Variants in SND1 observed in about 807,000 individuals in gnomAD.
SND1 encodes staphylococcal nuclease and tudor domain containing 1, also known as staphylococcal nuclease domain-containing protein 1.
SND1 carries 38 observed loss-of-function variants against 121.7 expected under a neutral mutation model. The ratio of observed to expected loss-of-function variants is 0.31; its 90% CI spans 0.24 to 0.41. The LOEUF is 0.41. Ranked by LOEUF, SND1 falls within the 10% of genes least tolerant of loss-of-function variation. The pLI is 1.00. For synonymous variants in SND1, 401 were observed against 447.4 expected, an observed-to-expected ratio of 0.90 and a Z score of 1.31; for missense variants, 868 against 1,184.6, an observed-to-expected ratio of 0.73 and a Z score of 3.92.
At chr7:127,692,329 T>A (rs1364630936) in intron 2 of SND1, among the ~76,000 whole-genome samples, 1 of 152,240 alleles carries the variant, frequency 6.6e-6, no homozygotes, top group Non-Finnish European at 1.5e-5. Context: ...AAGAGTAATT[T>A]TGAGTCTCAA....
At chr7:127,900,070 T>C in intron 13 of SND1, among the ~76,000 whole-genome samples, 1 of 152,190 alleles carries the variant, frequency 6.6e-6, no homozygotes, top group East Asian at 1.9e-4. Context: ...TCTTTAGATC[T>C]CTTTCATGTA....
intron 12 of SND1, chr7:127,858,232 G>T: frequency 1.3e-6 from 1 of 774,996 alleles, no homozygotes. Flanking sequence ...ACATGCCAAG[G>T]TTTCCCTGGG....
chr7:127,778,636 C>T (rs186577835), intron 10 of SND1, among the ~76,000 whole-genome samples: 1 of 152,288 alleles, frequency 6.6e-6, no homozygotes, highest in African/African-American at 2.4e-5. Flanking sequence ...AGTTATTTAA[C>T]ATCTTTGAGC....
intron 14 of SND1, among the ~76,000 whole-genome samples, chr7:127,907,347 G>C (rs1320939087): frequency 1.3e-5 from 2 of 152,216 alleles, no homozygotes; most frequent in African/African-American, 4.8e-5. Flanking sequence ...CAATTTTGCT[G>C]TCTGTGGGAC....
intron 14 of SND1, among the ~76,000 whole-genome samples, chr7:127,918,305 A>G (rs1169813029): frequency 6.6e-6 from 1 of 151,738 alleles, no homozygotes; most frequent in Non-Finnish European, 1.5e-5. Context: ...ACCTCAAGTG[A>G]TCCACTCGCC....
chr7:127,987,842 T>C (rs190760781), intron 15 of SND1, among the ~76,000 whole-genome samples: 139 of 152,314 alleles, frequency 9.1e-4, no homozygotes, highest in Non-Finnish European at 1.5e-3. Flanking sequence ...ACATATATAG[T>C]CAAGATTAAC....
At chr7:127,885,803 C>G (rs935843546) in intron 12 of SND1, among the ~76,000 whole-genome samples, 2 of 152,086 alleles carry the variant, frequency 1.3e-5, no homozygotes, top group Non-Finnish European at 2.9e-5. Context: ...TGTAAAATGT[C>G]AATGCTCAGT....
At chr7:127,950,806 G>A (rs905473504) in intron 15 of SND1, among the ~76,000 whole-genome samples, 5 of 152,100 alleles carry the variant, frequency 3.3e-5, no homozygotes, top group African/African-American at 1.2e-4. Flanking sequence ...AAAAGATTCT[G>A]GACTGCATAC....
Position 128,092,220 on chromosome 7 carries a change from T to TG in SND1, c.*166dup, listed in dbSNP as rs1461181338. 28 of 723,218 alleles carry TG rather than the reference T, an allele frequency of 3.9e-5. 1 individual carries two copies. The highest frequency in any genetic ancestry group is 5.7e-5 in the Non-Finnish European group (25 of 438,928). 44.8% of individuals were successfully genotyped at this position (723,218 alleles called of 1,614,324 possible). A position where few individuals can be genotyped will look rare whatever the true frequency, so the allele number is the denominator to read the frequency against. ...GTGGGGTGGCATCGGGGCTGCGGGG[T>TG]GGGGACCCCAAGGCTTTCTGGGGCA... On this transcript the variant is annotated 3_prime_UTR_variant, in exon 24 of 24. Coordinates refer to ENST00000354725, the MANE Select transcript of SND1 (RefSeq NM_014390.4). The surrounding 1 kb of genome is among the most constrained non-coding windows in gnomAD (Gnocchi z 4.9).
chr7:127,692,823 C>G (rs185562610), intron 2 of SND1, among the ~76,000 whole-genome samples: 2 of 152,162 alleles, frequency 1.3e-5, no homozygotes, highest in African/African-American at 4.8e-5. Flanking sequence ...TCTTATTGAC[C>G]GGTAACTAAC....
intron 1 of SND1, among the ~76,000 whole-genome samples, chr7:127,683,557 G>C (rs1442959001): frequency 6.6e-6 from 1 of 152,176 alleles, no homozygotes; most frequent in East Asian, 1.9e-4. Context: ...GTGAGTGGTA[G>C]GAGGGAAACT....
intron 15 of SND1, among the ~76,000 whole-genome samples, chr7:127,974,884 C>T (rs1479633237): frequency 6.6e-6 from 1 of 152,172 alleles, no homozygotes; most frequent in Non-Finnish European, 1.5e-5. Context: ...AAAGAAAAGG[C>T]CATCTTCCTT....
chr7:128,082,675 G>A (rs955282858), intron 18 of SND1, among the ~76,000 whole-genome samples: 6 of 152,150 alleles, frequency 3.9e-5, no homozygotes, highest in Non-Finnish European at 8.8e-5. Flanking sequence ...CTTTAGGGCT[G>A]GGTCATGTGA....
chr7:127,781,748 T>C (rs1232461358), intron 10 of SND1, among the ~76,000 whole-genome samples: 1 of 152,204 alleles, frequency 6.6e-6, no homozygotes. Flanking sequence ...CTGTTATTAA[T>C]AATTAAAGTA....
chr7:128,049,673 CACTT>C (rs1793012050), intron 16 of SND1, among the ~76,000 whole-genome samples: 1 of 152,188 alleles, frequency 6.6e-6, no homozygotes, highest in African/African-American at 2.4e-5. Flanking sequence ...CTGGCCCTGT[CACTT>C]ACCAGCTGCA....
intron 9 of SND1, among the ~76,000 whole-genome samples, chr7:127,714,554 C>G (rs566573882): frequency 6.6e-6 from 1 of 152,244 alleles, no homozygotes; most frequent in South Asian, 2.1e-4. Flanking sequence ...TATTTATATT[C>G]ATATTGCTAT....
intron 14 of SND1, among the ~76,000 whole-genome samples, chr7:127,926,363 A>G (rs906578419): frequency 6.6e-6 from 1 of 152,054 alleles, no homozygotes; most frequent in Non-Finnish European, 1.5e-5. Context: ...GTCAGCTTGG[A>G]TGAAATATCC....
At position 127,659,709 on chromosome 7, in the gene SND1, A is replaced by G. The variant is rs567868438; in HGVS notation, c.78+7258A>G. Among the ~76,000 whole-genome samples the G allele has an allele frequency of 7.2e-5, 11 of 152,338 alleles. No homozygotes were observed. In the South Asian group the frequency reaches 1.2e-3, roughly 17 times the overall value. Reference sequence around the variant, plus strand: ...ATTAACTTTGTCCCTGGAAAGCAGCATGGCAGAGAGAAGAGATCATTGGCC... The same window carrying G: ...ATTAACTTTGTCCCTGGAAAGCAGCGTGGCAGAGAGAAGAGATCATTGGCC... On this transcript the variant is annotated intron_variant, in intron 1 of 23. Coordinates refer to ENST00000354725, the MANE Select transcript of SND1 (RefSeq NM_014390.4).
chr7:128,033,045 G>T (rs1792677656), intron 16 of SND1, among the ~76,000 whole-genome samples: 1 of 152,154 alleles, frequency 6.6e-6, no homozygotes, highest in African/African-American at 2.4e-5. Context: ...GTCGCCCCTT[G>T]CTCCCCGCTG....
Sources: gnomAD v4.1 joint callset for allele counts (sites outside exome capture counted in the v4.1 genomes callset) on GRCh38, gnomAD v4.1.1 for gene constraint, Gnocchi (gnomAD v3.1) non-coding constraint, MANE v1.5 for transcripts, NCBI Gene and HGNC (gene_info 2026-07-23, HGNC 2026-07-21) for gene names.